WDR20: variants seen among roughly 807,000 people sequenced by gnomAD.
The protein encoded by WDR20 is WD repeat domain 20, also known as WD repeat-containing protein 20.
A neutral mutation model predicts 38.7 loss-of-function variants in WDR20; 3 were observed. The ratio of observed to expected loss-of-function variants is 0.08; its 90% CI spans 0.04 to 0.20. The LOEUF (loss-of-function observed/expected upper bound fraction) is 0.20. Ranked by LOEUF, WDR20 falls within the 10% of genes least tolerant of loss-of-function variation. WDR20 has a pLI of 1.00. For missense variants in WDR20, 559 were observed against 727.7 expected (o/e 0.77, Z 2.67); for synonymous variants, 298 against 285.6 (o/e 1.04, Z -0.44).
intron 1 of WDR20, among the ~76,000 whole-genome samples, chr14:102,189,766 CTG>C (rs2065872535): frequency 6.6e-6 from 1 of 152,080 alleles, no homozygotes; most frequent in South Asian, 2.1e-4. Flanking sequence ...ACAGTGGTAA[CTG>C]TTTAATAAAG....
intron 1 of WDR20, among the ~76,000 whole-genome samples, chr14:102,173,319 GC>G (rs1416433289): frequency 6.8e-6 from 1 of 147,402 alleles, no homozygotes; most frequent in African/African-American, 2.4e-5. Context: ...TCACCATGTT[GC>G]CCAGGCTGGT....
At chr14:102,178,517 G>A (rs1410344454) in intron 1 of WDR20, among the ~76,000 whole-genome samples, 3 of 151,970 alleles carry the variant, frequency 2.0e-5, no homozygotes, top group African/African-American at 4.8e-5. Flanking sequence ...TCTCTTAGGC[G>A]TGGTCCCTGC....
intron 1 of WDR20, among the ~76,000 whole-genome samples, chr14:102,163,298 C>G (rs1191375856): frequency 6.6e-6 from 1 of 152,138 alleles, no homozygotes; most frequent in Non-Finnish European, 1.5e-5. Context: ...GAGTACCCAG[C>G]CATCAGAACC....
intron 1 of WDR20, among the ~76,000 whole-genome samples, chr14:102,194,147 C>G (rs34415158): frequency 0.095 from 14,457 of 152,202 alleles, 741 homozygotes; most frequent in African/African-American, 0.13. Context: ...ATTTAACTTC[C>G]CTAAACTTGT....
downstream of WDR20, chr14:102,213,966 A>G (rs1197533248): frequency 2.0e-6 from 2 of 985,478 alleles, no homozygotes; most frequent in Non-Finnish European, 2.4e-6. Flanking sequence ...CATGGAACAC[A>G]GCGTCTGGCG....
intron 1 of WDR20, among the ~76,000 whole-genome samples, chr14:102,184,548 C>G (rs1002500193): frequency 1.3e-5 from 2 of 152,018 alleles, no homozygotes; most frequent in African/African-American, 4.8e-5. Flanking sequence ...TCCTGCTTTC[C>G]CCTGGTGGCC....
intron 1 of WDR20, among the ~76,000 whole-genome samples, chr14:102,170,638 T>G (rs1356253553): frequency 1.3e-5 from 2 of 151,730 alleles, no homozygotes; most frequent in Admixed American, 1.3e-4. Context: ...AAAAAAAAAT[T>G]AAGTTGGTAG....
intron 1 of WDR20, among the ~76,000 whole-genome samples, chr14:102,161,142 A>ATATATATATATATATAT (rs1342924049): frequency 3.7e-4 from 6 of 16,052 alleles, no homozygotes; most frequent in African/African-American, 6.4e-4. Context: ...ATATATATAT[A>ATATATATATATATATAT]TTTTTTTTTT....
intron 2 of WDR20, chr14:102,197,790 T>C: frequency 1.4e-6 from 1 of 702,638 alleles, no homozygotes; most frequent in Non-Finnish European, 2.6e-6. Flanking sequence ...TGGATTGGAA[T>C]GAAGAAAGAC....
intron 1 of WDR20, among the ~76,000 whole-genome samples, chr14:102,176,269 C>T (rs144032609): frequency 0.017 from 2,591 of 151,866 alleles, 49 homozygotes; most frequent in South Asian, 0.096. Context: ...GTGGCATGCA[C>T]CTGTAGTCCC....
intron 1 of WDR20, among the ~76,000 whole-genome samples, chr14:102,143,108 G>T (rs1399067502): frequency 1.3e-5 from 2 of 152,018 alleles, no homozygotes; most frequent in Non-Finnish European, 2.9e-5. Flanking sequence ...TCCTCAGAGC[G>T]AACCAAGGCC....
intron 1 of WDR20, among the ~76,000 whole-genome samples, chr14:102,153,243 G>A (rs879780540): frequency 3.3e-5 from 5 of 151,846 alleles, no homozygotes; most frequent in Non-Finnish European, 7.4e-5. Context: ...ACTAGAAGCT[G>A]AGTAGATGGC....
At chr14:102,151,669 A>G (rs867087218) in intron 1 of WDR20, among the ~76,000 whole-genome samples, 3 of 151,928 alleles carry the variant, frequency 2.0e-5, no homozygotes, top group Admixed American at 2.0e-4. Context: ...GATTATAGGC[A>G]TGAACCACCA....
At chr14:102,195,910 C>T (rs1236355883) in intron 2 of WDR20, 1 of 152,192 alleles carries the variant, frequency 6.6e-6, no homozygotes, top group African/African-American at 2.4e-5. Context: ...ATAAGGTAGG[C>T]TTGCTGAGTT....
At chr14:102,176,137 G>T (rs1183925262) in intron 1 of WDR20, among the ~76,000 whole-genome samples, 1 of 152,214 alleles carries the variant, frequency 6.6e-6, no homozygotes, top group Non-Finnish European at 1.5e-5. Context: ...GCTCACGCCT[G>T]TAATCTCAGC....
At position 102,209,076 on chromosome 14, in the gene WDR20, G is replaced by C; in HGVS notation, c.906G>C (p.Gly302=). Residue 302 remains glycine (G), a synonymous_variant, in exon 3 of 3, where the codon GGG becomes GGC. Transcript: ENST00000342702. This position sits in a 1 kb window ranked among gnomAD's most constrained non-coding sequence, Gnocchi z 6.0. The part of the protein sequence containing the change: ...VDCRVIARGH[G]HKSWVSVVAF... ...GCCGAGTAATAGCCAGAGGCCACGG[G>C]CACAAGTCCTGGGTCAGTGTTGTAG... 6.2e-7 allele frequency: 1 copy of C among 1,614,138 alleles called. No individual in the cohort carries two copies. The highest frequency in any genetic ancestry group is 1.6e-4 in the Middle Eastern group (1 of 6,062).
At chr14:102,183,575 G>A (rs2063876256) in intron 1 of WDR20, among the ~76,000 whole-genome samples, 1 of 152,206 alleles carries the variant, frequency 6.6e-6, no homozygotes, top group Non-Finnish European at 1.5e-5. Flanking sequence ...GGGAGAAACA[G>A]CTAGATATGG....
intron 2 of WDR20, chr14:102,197,739 A>G (rs1392831133): frequency 1.4e-6 from 1 of 699,982 alleles, no homozygotes; most frequent in East Asian, 2.7e-5. Context: ...TGACAGGATC[A>G]AATGTGTTTT....
At chr14:102,181,621 C>T (rs1021577737) in intron 1 of WDR20, among the ~76,000 whole-genome samples, 1 of 152,082 alleles carries the variant, frequency 6.6e-6, no homozygotes, top group African/African-American at 2.4e-5. Flanking sequence ...GAATTATTCA[C>T]ACTGGGAAAT....
Sources: allele counts gnomAD v4.1 joint callset (sites outside exome capture counted in the v4.1 genomes callset), GRCh38; gene constraint gnomAD v4.1.1; non-coding constraint Gnocchi (gnomAD v3.1); transcripts MANE v1.5; gene names NCBI Gene and HGNC (gene_info 2026-07-23, HGNC 2026-07-21).